PSEN2: variants seen among roughly 807,000 people sequenced by gnomAD.
PSEN2 encodes presenilin-2.
PSEN2 carries 32 observed loss-of-function variants against 49.1 expected under a neutral mutation model. The ratio of observed to expected loss-of-function variants is 0.65; its 90% CI spans 0.49 to 0.88. The LOEUF is 0.88. Ranked by LOEUF, PSEN2 falls within the 40% of genes least tolerant of loss-of-function variation. The pLI, the probability that PSEN2 is intolerant of heterozygous loss-of-function variation, is 0.00. For missense variants in PSEN2, 522 were observed against 586.9 expected, an observed-to-expected ratio of 0.89 and a Z score of 1.14; for synonymous variants, 255 against 244.0, an observed-to-expected ratio of 1.05 and a Z score of -0.42.
intron 9 of PSEN2, among the ~76,000 whole-genome samples, chr1:226,890,398 G>T (rs1037808027): frequency 6.6e-6 from 1 of 152,230 alleles, no homozygotes; most frequent in African/African-American, 2.4e-5. Flanking sequence ...TGCGGTGCAG[G>T]TTGCATTCCT....
chr1:226,891,671 A>C (rs565448044), intron 10 of PSEN2, 72 bp from the exon 11 acceptor site: 1 of 1,333,622 alleles, frequency 7.5e-7, no homozygotes, highest in African/African-American at 1.4e-5. Flanking sequence ...CACTCTGACC[A>C]GCTGTTGTTT....
Position 226,894,026 on chromosome 1 carries a change from C to T in PSEN2, c.1092C>T (p.Leu364=), listed in dbSNP as rs201093218. The T allele has an allele frequency of 1.1e-4, 170 of 1,614,046 alleles. No homozygotes were observed. The highest frequency in any genetic ancestry group is 4.1e-4 in the South Asian group (37 of 91,092). The change falls in exon 12 of 13, where the codon CTC becomes CTT. Residue 364 remains leucine, a synonymous_variant. Transcript: ENST00000366783. ...ACACAGGGGGCGTGAAGCTTGGCCT[C>T]GGGGACTTCATCTTCTACAGTGTGC... ...EEEERGVKLG[L]GDFIFYSVLV...
intron 8 of PSEN2, among the ~76,000 whole-genome samples, 192 bp from the exon 9 acceptor site, chr1:226,889,843 G>C (rs1308928251): frequency 6.6e-6 from 1 of 152,214 alleles, no homozygotes; most frequent in Non-Finnish European, 1.5e-5. Flanking sequence ...GCTTGCAGTT[G>C]CCTGCGAGGC....
intron 8 of PSEN2, 135 bp downstream of exon 8, chr1:226,889,184 G>C (rs1279407749): frequency 1.3e-6 from 1 of 777,224 alleles, no homozygotes; most frequent in Non-Finnish European, 2.1e-6. Context: ...GATCCCTCCT[G>C]AGAGAGTCGC....
downstream of PSEN2, among the ~76,000 whole-genome samples, chr1:226,901,047 T>C (rs1662298769): frequency 6.6e-6 from 1 of 152,162 alleles, no homozygotes; most frequent in African/African-American, 2.4e-5. Context: ...ATGTGGTTTG[T>C]AGAATAGGTG....
intron 3 of PSEN2, chr1:226,880,464 C>G (rs1483340167): frequency 7.0e-7 from 1 of 1,431,158 alleles, no homozygotes; most frequent in Non-Finnish European, 9.3e-7. Flanking sequence ...GCTATCCCTG[C>G]CCAGGGTGTG....
At chr1:226,878,684 A>G (rs1378735935) in intron 3 of PSEN2, among the ~76,000 whole-genome samples, 2 of 152,168 alleles carry the variant, frequency 1.3e-5, no homozygotes, top group African/African-American at 4.8e-5. Context: ...TAGCAGAGAT[A>G]AATCACAGGA....
In PSEN2 at chr1:226,888,132, G is replaced by T; in HGVS notation, c.540G>T (p.Leu180=). ...GWLIMSSLML[L]FLFTYIYLGE... ...TGATCATGTCTTCACTGATGCTGCT[G>T]TTCCTCTTCACCTATATCTACCTTG... Residue 180 remains leucine, a synonymous_variant, in exon 7 of 13, where the codon CTG becomes CTT. Coordinates refer to ENST00000366783, the MANE Select transcript of PSEN2 (RefSeq NM_000447.3). The T allele has an allele frequency of 2.5e-6, 4 of 1,613,812 alleles. No homozygotes were observed. In the South Asian group the frequency reaches 4.4e-5, roughly 18 times the overall value.
rs6426553 is a variant in PSEN2 at position 226,891,294 on chromosome 1, G to A, written c.903G>A (p.Thr301=). 26 of 1,613,806 alleles carry A rather than the reference G, an allele frequency of 1.6e-5. No homozygotes were observed. The South Asian group carries it at 2.3e-4, about 14-fold the overall frequency. ...CTCCCCCAGCTGCCATGGTGTGGAC[G>A]GTTGGCATGGCGAAGCTGGACCCCT... ...ALIYSSAMVW[T]VGMAKLDPSS... Residue 301 remains threonine, a synonymous_variant, in exon 10 of 13, where the codon ACG becomes ACA. Coordinates refer to ENST00000366783, the MANE Select transcript of PSEN2 (RefSeq NM_000447.3).
At chr1:226,901,709 T>G (rs1310073590) in intron 12 of PSEN2, among the ~76,000 whole-genome samples, 1 of 152,224 alleles carries the variant, frequency 6.6e-6, no homozygotes, top group African/African-American at 2.4e-5. Context: ...TTTGTTACAT[T>G]TTATTAAGTT....
In PSEN2 at chr1:226,893,985, G is replaced by T. The variant is rs201985133; in HGVS notation, c.1073-22G>T. 2.5e-6 allele frequency: 4 copies of T among 1,585,966 alleles called. No homozygotes were observed. The Admixed American group carries it at 6.7e-5, about 26-fold the overall frequency. Reference sequence around the variant, plus strand: ...TTCTGTGCACGCCTCTTCAGTACGGGTTACTGTCTCTCCTCACACAGGGGG... The same window carrying T: ...TTCTGTGCACGCCTCTTCAGTACGGTTTACTGTCTCTCCTCACACAGGGGG... On this transcript the variant is annotated intron_variant, in intron 11 of 12. Coordinates refer to ENST00000366783, the MANE Select transcript of PSEN2 (RefSeq NM_000447.3).
intron 12 of PSEN2, among the ~76,000 whole-genome samples, chr1:226,902,962 G>A (rs1204537650): frequency 6.6e-6 from 1 of 152,106 alleles, no homozygotes. Context: ...CACACATGGA[G>A]AAACAAACGT....
chr1:226,887,788 C>T (rs959153437), intron 6 of PSEN2, among the ~76,000 whole-genome samples: 1 of 152,118 alleles, frequency 6.6e-6, no homozygotes, highest in Non-Finnish European at 1.5e-5. Flanking sequence ...CAGTGCCTGG[C>T]AAGTAGGAGA....
intron 2 of PSEN2, among the ~76,000 whole-genome samples, chr1:226,873,047 C>T (rs952570377): frequency 6.6e-6 from 1 of 152,042 alleles, no homozygotes; most frequent in Non-Finnish European, 1.5e-5. Flanking sequence ...CGTGGTGGCA[C>T]ATGCCTGTAA....
chr1:226,889,950 A>T (rs1443074648), intron 8 of PSEN2, 85 bp from the exon 9 acceptor site: 6 of 1,074,434 alleles, frequency 5.6e-6, no homozygotes, highest in Non-Finnish European at 8.7e-6. Context: ...TGAGAGCTCC[A>T]CCCGGGGCTC....
At chr1:226,895,344 G>A (rs1227715457) in intron 12 of PSEN2, 80 bp from the exon 13 acceptor site, 15 of 1,543,786 alleles carry the variant, frequency 9.7e-6, no homozygotes, top group Admixed American at 1.7e-5. Flanking sequence ...AAGCTCCTGT[G>A]CCCAGGGACT....
At position 226,890,147 on chromosome 1, in the gene PSEN2, C is replaced by A. The variant is rs200129636; in HGVS notation, c.886+14C>A. The A allele has an allele frequency of 1.9e-6, 3 of 1,601,438 alleles. No individual in the cohort carries two copies. Among genetic ancestry groups the A allele is most frequent in the Non-Finnish European group, 1.7e-6 (2 of 1,168,578 alleles). The stretch of plus-strand genomic sequence containing the variant: ...TGATATACTCATGTGAGTGAGCCCC[C>A]CGTGCCTCTGCCTGACTCGGGGTCA... On this transcript the variant is annotated intron_variant, in intron 9 of 12. Coordinates refer to ENST00000366783, the MANE Select transcript of PSEN2 (RefSeq NM_000447.3).
chr1:226,887,404 CAG>C (rs1482226291), intron 6 of PSEN2, among the ~76,000 whole-genome samples: 2 of 152,056 alleles, frequency 1.3e-5, no homozygotes, highest in African/African-American at 2.4e-5. Context: ...AGTTGGTCCT[CAG>C]GGGTGAGGCT....
chr1:226,899,242 T>G (rs1662239467), downstream of PSEN2: 2 of 152,198 alleles, frequency 1.3e-5, no homozygotes, highest in Admixed American at 6.5e-5. Flanking sequence ...ATAATAAGAT[T>G]TTTAGTTCAT....
Sources: allele counts gnomAD v4.1 joint callset (sites outside exome capture counted in the v4.1 genomes callset), GRCh38; gene constraint gnomAD v4.1.1; transcripts MANE v1.5; gene names NCBI Gene and HGNC (gene_info 2026-07-23, HGNC 2026-07-21).